The following MICAL1 variants were observed in gnomAD, a reference collection of about 807,000 sequenced individuals.
The protein encoded by MICAL1 is microtubule associated monooxygenase, calponin and LIM domain containing 1.
Under a neutral mutation model 131.8 loss-of-function variants are expected in MICAL1, and 95 were observed. The observed-to-expected ratio is 0.72, with a 90% CI of 0.61 to 0.86. The LOEUF (loss-of-function observed/expected upper bound fraction) is 0.86. Among genes scored for constraint, MICAL1 ranks in the 40% least tolerant of loss-of-function variants. The pLI is 0.00. For synonymous variants in MICAL1, 546 were observed against 554.2 expected, an observed-to-expected ratio of 0.99 and a Z score of 0.21; for missense variants, 1,292 against 1,380.6, an observed-to-expected ratio of 0.94 and a Z score of 1.02.
upstream of MICAL1, among the ~76,000 whole-genome samples, chr6:109,460,406 G>A (rs1775854722): frequency 6.9e-6 from 1 of 144,142 alleles, no homozygotes; most frequent in Non-Finnish European, 1.5e-5. Context: ...TTCAGCCTGT[G>A]ACAGAGCAAG....
exon 1 of MICAL1, chr6:109,465,683 C>T: frequency 6.3e-7 from 1 of 1,594,502 alleles, no homozygotes; most frequent in African/African-American, 1.3e-5. Context: ...GACATACACA[C>T]ATCTTGCTAC....
rs1188705142 is a variant in MICAL1, at chr6:109,452,494, G to A, written c.676+17C>T. The A allele has an allele frequency of 1.2e-6, 2 of 1,613,054 alleles. No homozygotes were observed. The highest frequency in any genetic ancestry group is 2.2e-5 in the East Asian group (1 of 44,846). ...GTGCCAGAGATGCTGGCTTCTTTGA[G>A]GGAAGTGATCACTCACCTTCAGGGA... is the stretch of plus-strand genomic sequence containing the variant. On this transcript the variant is annotated intron_variant, in intron 5 of 24. Transcript: ENST00000358807.
Position 109,444,083 on chromosome 6 carries a change from T to C in MICAL1, c.*108A>G, listed in dbSNP as rs1775094565. ...GCTGTTTGTGGCAGAAACATTTTAA[T>C]TGTAAACAGCAAGGCTCTCTGCCAG... is the stretch of plus-strand genomic sequence containing the variant. On this transcript the variant is annotated 3_prime_UTR_variant, in exon 25 of 25. Transcript: ENST00000358807. 6 of 1,501,460 alleles carry C rather than the reference T, an allele frequency of 4.0e-6. No individual in the cohort carries two copies. In the Admixed American group the frequency reaches 1.1e-4, roughly 27 times the overall value. 93.0% of individuals were successfully genotyped at this position (1,501,460 alleles called of 1,614,324 possible).
chr6:109,447,859 T>G lies in MICAL1; in HGVS notation c.1944+16A>C. The stretch of plus-strand genomic sequence containing the variant: ...ACTCCTCCCTGCTCAGCTCCAGCCC[T>G]GCCTAAACTCTCCACCTTGGCCCGG... On this transcript the variant is annotated intron_variant, in intron 14 of 24. Coordinates refer to ENST00000358807, the MANE Select transcript of MICAL1 (RefSeq NM_022765.4). 6.2e-7 allele frequency: 1 copy of G among 1,613,096 alleles called. No homozygotes were observed. Among genetic ancestry groups the G allele is most frequent in the African/African-American group, 1.3e-5 (1 of 74,958 alleles).
chr6:109,462,702 G>A (rs1365971452), intron 1 of MICAL1: 1 of 152,228 alleles, frequency 6.6e-6, no homozygotes, highest in Non-Finnish European at 1.5e-5. Flanking sequence ...CACTGGGCAA[G>A]CACTTGAATA....
At position 109,465,769 on chromosome 6, in the gene MICAL1, G is replaced by A. The variant is rs567868709; in HGVS notation, c.-92C>T. 2.9e-4 allele frequency: 462 copies of A among 1,613,506 alleles called. 1 individual carries two copies. In the South Asian group the frequency reaches 3.2e-3, roughly 11 times the overall value. ...AGCATCTGCAAGTCAATGGTGTGGAGAGCCTGATTTCAAGCGTTCAAAATC... is the reference window on the plus strand; with the variant it reads ...AGCATCTGCAAGTCAATGGTGTGGAAAGCCTGATTTCAAGCGTTCAAAATC... On this transcript the variant is annotated 5_prime_UTR_variant, in exon 1 of 25. Transcript: ENST00000630715.
intron 15 of MICAL1, 29 bp downstream of exon 15, chr6:109,447,649 TAGG>T (rs751861136): frequency 6.2e-7 from 1 of 1,611,764 alleles, no homozygotes; most frequent in East Asian, 2.2e-5. Context: ...AAATGTGGGG[TAGG>T]AGACCGACCC....
Position 109,446,390 on chromosome 6 carries a change from T to G in MICAL1, c.2327A>C (p.Asn776Thr). The G allele has an allele frequency of 6.7e-7, 1 of 1,496,404 alleles. No individual in the cohort carries two copies. Among genetic ancestry groups the G allele is most frequent in the Non-Finnish European group, 9.0e-7 (1 of 1,116,724 alleles). The allele number at this position is 1,496,404 out of a possible 1,614,324, so 92.7% of individuals were successfully genotyped here. A position where few individuals can be genotyped will look rare whatever the true frequency, so the allele number is the denominator to read the frequency against. The change falls in exon 19 of 25, where the codon AAT (asparagine) becomes ACT (threonine). Residue 776 changes from asparagine (N) to threonine (T), a missense_variant. Coordinates refer to ENST00000358807, the MANE Select transcript of MICAL1 (RefSeq NM_022765.4). The stretch of plus-strand genomic sequence containing the variant: ...AGTTGAGAGGCCTGGTGGCATGCTA[T>G]TCTCACTTGGTGTGGGGAGCTCCTG... ...ESPELPTPSE[N>T]SMPPGLSTPT...
chr6:109,444,689 C>T (rs756142247), intron 24 of MICAL1, 36 bp downstream of exon 24: 4 of 1,610,624 alleles, frequency 2.5e-6, no homozygotes, highest in Non-Finnish European at 3.4e-6. Context: ...TGACACATCC[C>T]TGGGATGTGT....
upstream of MICAL1, among the ~76,000 whole-genome samples, chr6:109,458,863 T>C (rs1775819609): frequency 6.6e-6 from 1 of 152,190 alleles, no homozygotes; most frequent in African/African-American, 2.4e-5. Flanking sequence ...GCCGGGAAGC[T>C]GTGGCTGCAG....
At position 109,447,833 on chromosome 6, in the gene MICAL1, C is replaced by T. The variant is rs200133887; in HGVS notation, c.1944+42G>A. Reference sequence around the variant, plus strand: ...GATCTCCACTGGGTACCCCCCTGCCCACTCCTCCCTGCTCAGCTCCAGCCC... The same window carrying T: ...GATCTCCACTGGGTACCCCCCTGCCTACTCCTCCCTGCTCAGCTCCAGCCC... On this transcript the variant is annotated intron_variant, in intron 14 of 24. Transcript: ENST00000358807. 3 of 1,612,096 alleles carry T rather than the reference C, an allele frequency of 1.9e-6. No individual in the cohort carries two copies. The East Asian group carries it at 6.7e-5, about 36-fold the overall frequency.
chr6:109,454,208 G>A lies in MICAL1; in HGVS notation c.-12C>T. On this transcript the variant is annotated 5_prime_UTR_variant, in exon 2 of 25. Transcript: ENST00000358807. ...GTAGGTGAAGCCATGGAGGCCTCCT[G>A]GGGAGGGCAGCAGCTGGGCAGAGAT... is the stretch of plus-strand genomic sequence containing the variant. The A allele has an allele frequency of 6.3e-7, 1 of 1,585,780 alleles. No homozygotes were observed. The highest frequency in any genetic ancestry group is 8.6e-7 in the Non-Finnish European group (1 of 1,165,996).
In MICAL1 at chr6:109,451,296, G is replaced by C. The variant is rs528878758; in HGVS notation, c.933+304C>G. Among the ~76,000 whole-genome samples, 34 of 152,214 alleles carry C rather than the reference G, an allele frequency of 2.2e-4. 2 individuals are homozygous for C. The South Asian group carries it at 6.6e-3, about 30-fold the overall frequency. On this transcript the variant is annotated intron_variant, in intron 7 of 24. Transcript: ENST00000358807. ...AGCCTCCCTAGTAGCTGGGATTACA[G>C]GCGCCCGCCAACAAGCCCAGCTAAT...
In MICAL1 at chr6:109,453,949, G is replaced by T. The variant is rs187417837; in HGVS notation, c.248C>A (p.Thr83Asn). ...QPVYQQGRACTSTKCLVVGAG... is the reference protein window; with the variant it reads ...QPVYQQGRACNSTKCLVVGAG... Reference sequence around the variant, plus strand: ...GCACCGTGTATCCACCTTGGTGCTGGTGCAGGCCCGGCCCTGCTGGTAGAC... The same window carrying T: ...GCACCGTGTATCCACCTTGGTGCTGTTGCAGGCCCGGCCCTGCTGGTAGAC... Residue 83 changes from threonine (T) to asparagine (N), a missense_variant, in exon 2 of 25, where the codon ACC becomes AAC. Thr to Asn is a moderately conservative substitution (Grantham distance 65, BLOSUM62 0). Transcript: ENST00000358807. 1.9e-6 allele frequency: 3 copies of T among 1,613,548 alleles called. No homozygotes were observed. Among genetic ancestry groups the T allele is most frequent in the Non-Finnish European group, 2.5e-6 (3 of 1,179,740 alleles).
chr6:109,450,376 G>A lies in MICAL1; in HGVS notation c.1115C>T (p.Ala372Val), dbSNP rs765547559. 3.3e-5 allele frequency: 53 copies of A among 1,613,202 alleles called. 1 individual carries two copies. In the Admixed American group the frequency reaches 7.2e-4, roughly 22 times the overall value. Reference sequence around the variant, plus strand: ...CTCTTGCACACGAGCAGAACTCTCTGCCCGCATCATGCTCGTGAAGTCAAA... The same window carrying A: ...CTCTTGCACACGAGCAGAACTCTCTACCCGCATCATGCTCGTGAAGTCAAA... ...SAFDFTSMMR[A>V]ESSARVQEKH... is the part of the protein sequence containing the mutation. Residue 372 changes from alanine (A) to valine (V), a missense_variant, in exon 8 of 25, where the codon GCA (alanine) becomes GTA (valine). Ala to Val is a moderately conservative substitution (Grantham distance 64). Coordinates refer to ENST00000358807, the MANE Select transcript of MICAL1 (RefSeq NM_022765.4).
chr6:109,446,895 C>T (rs896789397), intron 17 of MICAL1, 123 bp from the exon 18 acceptor site: 1 of 1,250,702 alleles, frequency 8.0e-7, no homozygotes, highest in African/African-American at 1.5e-5. Flanking sequence ...CTGCCAGCCT[C>T]CTGTTCCTCA....
In MICAL1 at chr6:109,446,770, G is replaced by A; in HGVS notation, c.2230C>T (p.His744Tyr). Reference sequence around the variant, plus strand: ...GGCAGGTGCTGGAGGCAGTAGAAATGTCCTGGAAAGGGTAGAGAGGGGAGG... The same window carrying A: ...GGCAGGTGCTGGAGGCAGTAGAAATATCCTGGAAAGGGTAGAGAGGGGAGG... The part of the protein sequence containing the change: ...GGYEQHPGDG[H>Y]FYCLQHLPQT... The change falls in exon 18 of 25, where the codon CAT (histidine) becomes TAT (tyrosine). Residue 744 changes from histidine to tyrosine, a missense_variant and splice_region_variant. Physicochemically the swap from His to Tyr is moderately conservative, Grantham distance 83 (BLOSUM62 2). Coordinates refer to ENST00000358807, the MANE Select transcript of MICAL1 (RefSeq NM_022765.4). 1 of 1,613,318 alleles carries A rather than the reference G, an allele frequency of 6.2e-7. No homozygotes were observed. The highest frequency in any genetic ancestry group is 8.5e-7 in the Non-Finnish European group (1 of 1,179,800).
chr6:109,449,817 A>G, intron 9 of MICAL1, 34 bp from the exon 10 acceptor site: 1 of 1,594,152 alleles, frequency 6.3e-7, no homozygotes, highest in Non-Finnish European at 8.5e-7. Flanking sequence ...AGGGGCATGA[A>G]TGGGAGGGCA....
At chr6:109,463,289 T>C (rs1361198592) in intron 1 of MICAL1, 2 of 152,170 alleles carry the variant, frequency 1.3e-5, no homozygotes, top group Non-Finnish European at 2.9e-5. Flanking sequence ...CCGGCGTCAT[T>C]GAACTTTTTT....
Sources: gnomAD v4.1 joint callset for allele counts (sites outside exome capture counted in the v4.1 genomes callset) on GRCh38, gnomAD v4.1.1 for gene constraint, MANE v1.5 for transcripts, NCBI Gene and HGNC (gene_info 2026-07-23, HGNC 2026-07-21) for gene names.